FMNL3: variants seen among roughly 807,000 people sequenced by gnomAD.
FMNL3 encodes formin-like protein 3.
A neutral mutation model predicts 119.6 loss-of-function variants in FMNL3; 57 were observed. The observed-to-expected ratio is 0.48, with a 90% CI of 0.39 to 0.59. The LOEUF (loss-of-function observed/expected upper bound fraction) is 0.59, where lower values mean the gene tolerates loss of function less well. Ranked by LOEUF, FMNL3 falls within the 20% of genes least tolerant of loss-of-function variation. The pLI is 0.00. For missense variants in FMNL3, 1,053 were observed against 1,323.5 expected (o/e 0.80, Z 3.17); for synonymous variants, 491 against 507.3 (o/e 0.97, Z 0.43).
At chr12:49,668,406 C>A in intron 2 of FMNL3, 65 bp downstream of exon 2, 2 of 1,512,144 alleles carry the variant, frequency 1.3e-6, no homozygotes, top group Non-Finnish European at 1.8e-6. Flanking sequence ...ATGCCTTTGG[C>A]CCCACAGCCT....
intron 1 of FMNL3, among the ~76,000 whole-genome samples, chr12:49,681,907 T>C (rs1032061144): frequency 6.6e-6 from 1 of 151,922 alleles, no homozygotes; most frequent in Non-Finnish European, 1.5e-5. Flanking sequence ...ATTTACAAAA[T>C]ATGGATAATA....
At chr12:49,648,125 C>T (rs565636667) in intron 22 of FMNL3, 68 bp downstream of exon 22, 2 of 1,472,986 alleles carry the variant, frequency 1.4e-6, no homozygotes, top group East Asian at 2.3e-5. Flanking sequence ...AAAAATAGAA[C>T]TAGGGCCACC....
At chr12:49,661,770 G>A (rs1943740134) in intron 5 of FMNL3, 196 bp downstream of exon 5, 1 of 595,224 alleles carries the variant, frequency 1.7e-6, no homozygotes, top group Non-Finnish European at 3.0e-6. Context: ...CTCCAGCCAA[G>A]TGCCATTCTT....
At position 49,651,234 on chromosome 12, in the gene FMNL3, T is replaced by C; in HGVS notation, c.1731A>G (p.Thr577=). 2 of 1,613,760 alleles carry C rather than the reference T, an allele frequency of 1.2e-6. No individual in the cohort carries two copies. Among genetic ancestry groups the C allele is most frequent in the Non-Finnish European group, 1.7e-6 (2 of 1,179,626 alleles). ...TKFRLPVFNW[T]ALKPNQISGT... ...CACTGATCTGGTTGGGTTTCAGTGCTGTCCAGTTGAAGACAGGCAGCCGGA... is the reference window on the plus strand; with the variant it reads ...CACTGATCTGGTTGGGTTTCAGTGCCGTCCAGTTGAAGACAGGCAGCCGGA... The change falls in exon 16 of 26, where the codon ACA becomes ACG. Residue 577 remains threonine, a synonymous_variant. Coordinates refer to ENST00000335154, the MANE Select transcript of FMNL3 (RefSeq NM_175736.5).
Position 49,656,852 on chromosome 12 carries a change from A to C in FMNL3, c.762T>G (p.Ile254Met), listed in dbSNP as rs1943585360. 1 of 1,614,036 alleles carries C rather than the reference A, an allele frequency of 6.2e-7. No individual in the cohort carries two copies. Among genetic ancestry groups the C allele is most frequent in the Admixed American group, 1.7e-5 (1 of 60,006 alleles). Reference protein sequence around the residue: ...VMSHPHAVNEIALSLNNKNPR... With the variant: ...VMSHPHAVNEMALSLNNKNPR... ...GATTCTTGTTATTGAGGCTAAGTGC[A>C]ATCTCATTGACAGCATGGGGGTGGG... Residue 254 changes from isoleucine (I) to methionine (M), a missense_variant, in exon 8 of 26, where the codon ATT becomes ATG. Around this residue, in one of 4 missense-constraint regions of FMNL3, gnomAD observed 445 missense variants for 628.4 expected, o/e 0.71. Transcript: ENST00000335154.
In FMNL3 at chr12:49,658,556, G is replaced by GCACCAT. The variant is rs1199087548; in HGVS notation, c.485_490dup (p.Asp162_Gly163dup). ...GCTCCAGGACCGGAGTTTGTCAAAT[G>GCACCAT]CACCATCGTCACCACTTTCCAGACC... On this transcript the variant is annotated inframe_insertion, in exon 6 of 26. Transcript: ENST00000335154. The GCACCAT allele has an allele frequency of 6.2e-7, 1 of 1,612,772 alleles. No homozygotes were observed. The highest frequency in any genetic ancestry group is 8.5e-7 in the Non-Finnish European group (1 of 1,179,406).
chr12:49,673,903 C>CA (rs941199660), intron 1 of FMNL3, among the ~76,000 whole-genome samples: 9 of 152,074 alleles, frequency 5.9e-5, no homozygotes, highest in South Asian at 2.1e-4. Flanking sequence ...AAAAGGGAAT[C>CA]AAAAAAAATC....
chr12:49,699,704 T>C (rs932687688), intron 1 of FMNL3, among the ~76,000 whole-genome samples: 2 of 152,234 alleles, frequency 1.3e-5, no homozygotes, highest in Admixed American at 1.3e-4. Context: ...ACGAAATGTA[T>C]ACATTTATTA....
chr12:49,699,856 T>A (rs897722053), intron 1 of FMNL3, among the ~76,000 whole-genome samples: 2 of 152,082 alleles, frequency 1.3e-5, no homozygotes, highest in South Asian at 4.1e-4. Flanking sequence ...TGGCAAAGGC[T>A]TTAAAAACAT....
rs1260334769 is a variant in FMNL3, at chr12:49,642,516, A to T, written c.*3299T>A. 2.5e-6 allele frequency: 4 copies of T among 1,592,346 alleles called. No individual in the cohort carries two copies. The highest frequency in any genetic ancestry group is 3.4e-6 in the Non-Finnish European group (4 of 1,161,326). ...TCTGCCCCAGCCCTGCCCTGTGCTC[A>T]TGGCGGTGTCCAGGCCAGGCTGAGT... On this transcript the variant is annotated 3_prime_UTR_variant, in exon 26 of 26. Transcript: ENST00000335154. The surrounding 1 kb of genome is among the most constrained non-coding windows in gnomAD (Gnocchi z 5.8).
At chr12:49,691,721 C>CT (rs142082729) in intron 1 of FMNL3, among the ~76,000 whole-genome samples, 3,467 of 151,820 alleles carry the variant, frequency 0.023, 137 homozygotes, top group African/African-American at 0.08. Context: ...AGAGAGGAGC[C>CT]TTTTTTTTCC....
intron 1 of FMNL3, among the ~76,000 whole-genome samples, chr12:49,688,984 GGC>G (rs764292092): frequency 4.6e-5 from 7 of 152,166 alleles, no homozygotes; most frequent in Non-Finnish European, 1.0e-4. Context: ...TGGGCATGGT[GGC>G]TCATGCCTGT....
At chr12:49,706,945 G>C (rs1037459541) in intron 1 of FMNL3, 110 bp downstream of exon 1, 27 of 1,308,792 alleles carry the variant, frequency 2.1e-5, no homozygotes, top group Non-Finnish European at 2.7e-5. Context: ...GATCCGTTCG[G>C]GACCCCGACT....
Position 49,645,566 on chromosome 12 carries a change from C to T in FMNL3, c.*249G>A, listed in dbSNP as rs1943147219. The T allele has an allele frequency of 4.1e-6, 2 of 484,664 alleles. No individual in the cohort carries two copies. The highest frequency in any genetic ancestry group is 7.3e-5 in the East Asian group (2 of 27,266). 30.0% of individuals were successfully genotyped at this position (484,664 alleles called of 1,614,324 possible). A position where few individuals can be genotyped will look rare whatever the true frequency, so the allele number is the denominator to read the frequency against. ...GGAAATGGTTTTTCCTAGCCCTGAG[C>T]TGACCCTTGGTGACCCTTCAGGAAA... On this transcript the variant is annotated 3_prime_UTR_variant, in exon 26 of 26. Transcript: ENST00000335154.
rs376956404 is a variant in FMNL3 at position 49,653,216 on chromosome 12, G to A, written c.1323+10C>T. 1 of 1,612,994 alleles carries A rather than the reference G, an allele frequency of 6.2e-7. No individual in the cohort carries two copies. The highest frequency in any genetic ancestry group is 1.7e-5 in the Admixed American group (1 of 60,006). On this transcript the variant is annotated intron_variant, in intron 13 of 25. Transcript: ENST00000335154. ...TCAGTCAGGGACTGCCTTCCCCAGA[G>A]TACTTGTACCTTGATGCTCTCTAGT... is the stretch of plus-strand genomic sequence containing the variant.
At position 49,637,827 on chromosome 12, in the gene FMNL3, G is replaced by T. The variant is rs375655413; in HGVS notation, c.*7988C>A. ...AGATCATTAAGGACATCCTTAAGGT[G>T]AGGGAGGCTGGGGTTATGGATGGAT... On this transcript the variant is annotated 3_prime_UTR_variant, in exon 26 of 26. Coordinates refer to ENST00000335154, the MANE Select transcript of FMNL3 (RefSeq NM_175736.5). 25 of 1,600,898 alleles carry T rather than the reference G, an allele frequency of 1.6e-5. No homozygotes were observed. Among genetic ancestry groups the T allele is most frequent in the Middle Eastern group, 3.3e-4 (2 of 6,020 alleles).
chr12:49,653,933 T>C, intron 11 of FMNL3, 59 bp from the exon 12 acceptor site: 1 of 1,590,492 alleles, frequency 6.3e-7, no homozygotes, highest in Non-Finnish European at 8.6e-7. Flanking sequence ...TCAGGGGAAC[T>C]TTCTGAGAAA....
intron 1 of FMNL3, among the ~76,000 whole-genome samples, chr12:49,680,766 T>G (rs1223193427): frequency 6.6e-6 from 1 of 152,228 alleles, no homozygotes; most frequent in African/African-American, 2.4e-5. Flanking sequence ...CTACTCATCT[T>G]TTATATGCCA....
Position 49,661,994 on chromosome 12 carries a change from A to T in FMNL3, c.424T>A (p.Tyr142Asn), listed in dbSNP as rs1943748136. The T allele has an allele frequency of 6.2e-7, 1 of 1,614,174 alleles. No individual in the cohort carries two copies. ...ACAGAACACTGGGCAAAGGACAGGT[A>T]ATCCACCAGTACATCCAGGCCTTTG... The part of the protein sequence containing the change: ...ENKGLDVLVD[Y>N]LSFAQCSVMF... The change falls in exon 5 of 26, where the codon TAC becomes AAC. Residue 142 changes from tyrosine (Y) to asparagine (N), a missense_variant. Transcript: ENST00000335154.
Sources: allele counts gnomAD v4.1 joint callset (sites outside exome capture counted in the v4.1 genomes callset), GRCh38; gene constraint gnomAD v4.1.1; regional missense constraint gnomAD v4.1.1; non-coding constraint Gnocchi (gnomAD v3.1); transcripts MANE v1.5; gene names NCBI Gene and HGNC (gene_info 2026-07-23, HGNC 2026-07-21).